The following SMIM41 variants were observed in gnomAD, a reference collection of about 807,000 sequenced individuals.
SMIM41 encodes small integral membrane protein 41.
intron 2 of SMIM41, among the ~76,000 whole-genome samples, chr12:52,097,321 GA>G: frequency 6.6e-6 from 1 of 151,302 alleles, no homozygotes; most frequent in East Asian, 2.0e-4. Context: ...GGGGGCGGGC[GA>G]CCCCCACGAT....
Position 52,080,130 on chromosome 12 carries a change from C to G in SMIM41, c.*69C>G, listed in dbSNP as rs1050980955. 2 of 345,992 alleles carry G rather than the reference C, an allele frequency of 5.8e-6. No individual in the cohort carries two copies. Among genetic ancestry groups the G allele is most frequent in the African/African-American group, 2.2e-5 (1 of 46,310 alleles). The allele number at this position is 345,992 out of a possible 1,614,324, so 21.4% of individuals were successfully genotyped here. ...GACTCCGAGCGGTCCGGAGCATGCC[C>G]GACGGCTGCTGCGGTCCCGACCCCT... is the stretch of plus-strand genomic sequence containing the variant. On this transcript the variant is annotated 3_prime_UTR_variant, in exon 1 of 3. Transcript: ENST00000546390.
chr12:52,086,865 C>G (rs570227436), intron 2 of SMIM41, among the ~76,000 whole-genome samples: 1 of 152,236 alleles, frequency 6.6e-6, no homozygotes, highest in African/African-American at 2.4e-5. Flanking sequence ...TTGCCCATGT[C>G]CTAACTTCAC....
chr12:52,097,470 C>A (rs1380756553), intron 2 of SMIM41, among the ~76,000 whole-genome samples: 7 of 152,048 alleles, frequency 4.6e-5, no homozygotes, highest in Non-Finnish European at 1.0e-4. Flanking sequence ...TGTGGACACT[C>A]CCCGCTGATG....
chr12:52,080,725 G>T (rs1203754476), intron 1 of SMIM41, among the ~76,000 whole-genome samples: 1 of 152,200 alleles, frequency 6.6e-6, no homozygotes, highest in Non-Finnish European at 1.5e-5. Context: ...CCCTGGGAGG[G>T]TGCTTGAGGG....
chr12:52,085,867 C>T (rs185839092), intron 2 of SMIM41, among the ~76,000 whole-genome samples: 23 of 152,116 alleles, frequency 1.5e-4, no homozygotes, highest in African/African-American at 5.1e-4. Flanking sequence ...AACTCATGTC[C>T]GCTGCTGATG....
intron 2 of SMIM41, among the ~76,000 whole-genome samples, chr12:52,095,233 C>G (rs1462953706): frequency 6.6e-6 from 1 of 152,010 alleles, no homozygotes; most frequent in African/African-American, 2.4e-5. Flanking sequence ...CAATCCACAT[C>G]GCAGGGGGTC....
chr12:52,102,756 A>T (rs865855228), intron 2 of SMIM41, among the ~76,000 whole-genome samples: 1 of 152,222 alleles, frequency 6.6e-6, no homozygotes, highest in Non-Finnish European at 1.5e-5. Flanking sequence ...ATATGATTGG[A>T]GGGAATGTAA....
chr12:52,094,197 A>ATT (rs562390454), intron 2 of SMIM41, among the ~76,000 whole-genome samples: 5 of 131,676 alleles, frequency 3.8e-5, no homozygotes, highest in Non-Finnish European at 6.4e-5. Context: ...GAAGTTTTTG[A>ATT]TTTTTTTTTT....
At position 52,107,775 on chromosome 12, in the gene SMIM41, G is replaced by GTTT. The variant is rs1235591723; in HGVS notation, c.*593_*594insTTT. The GTTT allele has an allele frequency of 2.7e-6, 1 of 371,058 alleles. No homozygotes were observed. Among genetic ancestry groups the GTTT allele is most frequent in the Non-Finnish European group, 5.1e-6 (1 of 196,532 alleles). The allele number at this position is 371,058 out of a possible 1,614,324, so 23.0% of individuals were successfully genotyped here. A position where few individuals can be genotyped will look rare whatever the true frequency, so the allele number is the denominator to read the frequency against. ...GTTTCTGTGGCTTCCTAGTTTTGCT[G>GTTT]TCTTTTTTTTTTCTCAGTCTTTTAG... On this transcript the variant is annotated 3_prime_UTR_variant, in exon 3 of 3. Transcript: ENST00000546390.
chr12:52,108,181 C>A lies in SMIM41; in HGVS notation c.*998C>A. On this transcript the variant is annotated 3_prime_UTR_variant, in exon 3 of 3. Transcript: ENST00000546390. ...GCTGCAGTGATGTACACGGTGGTCA[C>A]CTCCATGCTCAACCCCTTTATCTAC... is the stretch of plus-strand genomic sequence containing the variant. 1 of 207,956 alleles carries A rather than the reference C, an allele frequency of 4.8e-6. No homozygotes were observed. Among genetic ancestry groups the A allele is most frequent in the Non-Finnish European group, 9.7e-6 (1 of 103,150 alleles). 12.9% of individuals were successfully genotyped at this position (207,956 alleles called of 1,614,324 possible).
At chr12:52,098,955 G>C (rs1430262537) in intron 2 of SMIM41, among the ~76,000 whole-genome samples, 5 of 151,898 alleles carry the variant, frequency 3.3e-5, no homozygotes, top group Admixed American at 6.6e-5. Flanking sequence ...CTGGATATTA[G>C]GAACAATATC....
At chr12:52,089,093 C>G (rs796934707) in intron 2 of SMIM41, among the ~76,000 whole-genome samples, 4 of 152,012 alleles carry the variant, frequency 2.6e-5, no homozygotes, top group African/African-American at 9.7e-5. Flanking sequence ...ATTCCCTGCC[C>G]CTGTGCTGCC....
chr12:52,103,065 C>T (rs1329793270), intron 2 of SMIM41, among the ~76,000 whole-genome samples: 1 of 152,152 alleles, frequency 6.6e-6, no homozygotes, highest in Non-Finnish European at 1.5e-5. Context: ...GTGGCTCATG[C>T]CTGTAATCCC....
intron 1 of SMIM41, among the ~76,000 whole-genome samples, chr12:52,083,512 G>A (rs1452143410): frequency 6.6e-5 from 10 of 152,144 alleles, no homozygotes; most frequent in Non-Finnish European, 1.5e-4. Flanking sequence ...TTTTCCCCTT[G>A]CACCTTCAGA....
intron 2 of SMIM41, among the ~76,000 whole-genome samples, chr12:52,101,098 T>G (rs1157194852): frequency 6.6e-6 from 1 of 152,092 alleles, no homozygotes; most frequent in African/African-American, 2.4e-5. Context: ...ATGACAAATA[T>G]TACATGTCCT....
At chr12:52,082,422 G>C (rs765828635) in intron 1 of SMIM41, among the ~76,000 whole-genome samples, 4 of 152,132 alleles carry the variant, frequency 2.6e-5, no homozygotes, top group African/African-American at 9.7e-5. Context: ...TCCAGTGCTT[G>C]GAGGGCAGGG....
rs758880143 is a variant in SMIM41, at chr12:52,107,586, C to T, written c.*403C>T. The stretch of plus-strand genomic sequence containing the variant: ...GGTCCCCCAGATGACTGTGGACATC[C>T]AGTCTCGCAGCAGAGTCATCTCCTA... On this transcript the variant is annotated 3_prime_UTR_variant, in exon 3 of 3. Transcript: ENST00000546390. 5.8e-6 allele frequency: 4 copies of T among 684,052 alleles called. No homozygotes were observed. The highest frequency in any genetic ancestry group is 2.7e-4 in the Middle Eastern group (1 of 3,664). The allele number at this position is 684,052 out of a possible 1,614,324, so 42.4% of individuals were successfully genotyped here.
intron 2 of SMIM41, among the ~76,000 whole-genome samples, chr12:52,090,147 T>C (rs112901359): frequency 0.026 from 3,974 of 152,248 alleles, 63 homozygotes; most frequent in South Asian, 0.073. Context: ...CTTGGCTCAC[T>C]ACAACCTCCA....
chr12:52,093,040 A>G (rs1382601129), intron 2 of SMIM41, among the ~76,000 whole-genome samples: 1 of 152,124 alleles, frequency 6.6e-6, no homozygotes, highest in Non-Finnish European at 1.5e-5. Flanking sequence ...AAATAAAGAA[A>G]AAATTAGATT....
Sources: allele counts gnomAD v4.1 joint callset (sites outside exome capture counted in the v4.1 genomes callset), GRCh38; gene constraint gnomAD v4.1.1; transcripts MANE v1.5; gene names NCBI Gene and HGNC (gene_info 2026-07-23, HGNC 2026-07-21).